The following LIN28B variants were observed in gnomAD, a reference collection of about 807,000 sequenced individuals.
LIN28B encodes protein lin-28 homolog B.
In LIN28B, 5 loss-of-function variants were observed where a neutral mutation model predicts 21.9. That is an observed-to-expected ratio of 0.23 (90% CI 0.12 to 0.48). LIN28B has a LOEUF of 0.48. Among genes scored for constraint, LIN28B ranks in the 20% least tolerant of loss-of-function variants. The pLI is 0.98. For synonymous variants in LIN28B, 109 were observed against 111.3 expected (o/e 0.98, Z 0.13); for missense variants, 245 against 310.5 (o/e 0.79, Z 1.58).
chr6:105,048,036 C>G (rs1037311737), intron 3 of LIN28B, among the ~76,000 whole-genome samples: 1 of 152,184 alleles, frequency 6.6e-6, no homozygotes, highest in African/African-American at 2.4e-5. Context: ...ATTGCCTTGG[C>G]CAGAACTTCC....
chr6:104,974,619 T>C (rs138337954), intron 2 of LIN28B, among the ~76,000 whole-genome samples: 19 of 152,182 alleles, frequency 1.2e-4, no homozygotes, highest in African/African-American at 4.1e-4. Flanking sequence ...CTTTTGGCTT[T>C]TCTTCATCTT....
intron 3 of LIN28B, among the ~76,000 whole-genome samples, chr6:105,067,732 C>T (rs1414731652): frequency 1.3e-5 from 2 of 152,130 alleles, no homozygotes; most frequent in Admixed American, 1.3e-4. Context: ...AAGTAGAAAA[C>T]TTTCATCAAA....
At chr6:104,982,161 A>G (rs1451773892) in intron 2 of LIN28B, among the ~76,000 whole-genome samples, 3 of 152,042 alleles carry the variant, frequency 2.0e-5, no homozygotes, top group Non-Finnish European at 4.4e-5. Flanking sequence ...AAAAGTATAA[A>G]AAACTTGCTG....
intron 2 of LIN28B, among the ~76,000 whole-genome samples, chr6:105,004,662 T>C (rs989526117): frequency 2.6e-5 from 4 of 152,094 alleles, no homozygotes. Flanking sequence ...TATATAGTGA[T>C]TTTTTTTGTA....
intron 3 of LIN28B, among the ~76,000 whole-genome samples, chr6:105,034,449 T>TA (rs1200867622): frequency 1.8e-4 from 28 of 152,130 alleles, no homozygotes; most frequent in African/African-American, 6.7e-4. Flanking sequence ...AGAAGGCTAA[T>TA]AGACTGTTAA....
chr6:105,078,997 T>C lies in LIN28B; in HGVS notation c.*214T>C. ...AATTCAGAGAATAAGATACTATGTC[T>C]GTCAATATGTGCATGTGTGAGAGGG... On this transcript the variant is annotated 3_prime_UTR_variant, in exon 4 of 4. Coordinates refer to ENST00000345080, the MANE Select transcript of LIN28B (RefSeq NM_001004317.4). 1 of 533,914 alleles carries C rather than the reference T, an allele frequency of 1.9e-6. No individual in the cohort carries two copies. 33.1% of individuals were successfully genotyped at this position (533,914 alleles called of 1,614,324 possible).
At chr6:104,991,137 C>T (rs1301072669) in intron 2 of LIN28B, among the ~76,000 whole-genome samples, 9 of 48,350 alleles carry the variant, frequency 1.9e-4, no homozygotes, top group Non-Finnish European at 2.7e-4. Context: ...AAGGGGCGGC[C>T]GGGCAGAGGC....
chr6:105,043,291 G>A (rs927926174), intron 3 of LIN28B, among the ~76,000 whole-genome samples: 4 of 139,050 alleles, frequency 2.9e-5, no homozygotes, highest in Non-Finnish European at 6.0e-5. Flanking sequence ...GCATAGTGGC[G>A]CACGCCTGTA....
chr6:105,004,105 G>T (rs1044342796), intron 2 of LIN28B, among the ~76,000 whole-genome samples: 1 of 152,138 alleles, frequency 6.6e-6, no homozygotes, highest in Non-Finnish European at 1.5e-5. Context: ...AAAGATGAAG[G>T]CTGGGAGGCT....
intron 3 of LIN28B, among the ~76,000 whole-genome samples, chr6:105,064,342 G>A (rs1035671779): frequency 8.5e-5 from 13 of 152,110 alleles, no homozygotes; most frequent in Non-Finnish European, 1.6e-4. Context: ...GCCAAAACTG[G>A]CTTTTTCCAC....
chr6:104,974,768 C>G (rs750527433), intron 2 of LIN28B, among the ~76,000 whole-genome samples: 7 of 151,732 alleles, frequency 4.6e-5, no homozygotes, highest in Non-Finnish European at 8.8e-5. Context: ...ATAAATATTG[C>G]ATAAAACTTA....
chr6:104,969,288 T>C (rs183733112), intron 2 of LIN28B, among the ~76,000 whole-genome samples: 88 of 152,280 alleles, frequency 5.8e-4, no homozygotes, highest in African/African-American at 2.0e-3. Context: ...CCCCATGCCA[T>C]TGAAGAATTT....
chr6:104,940,756 G>C (rs1778074685), intron 2 of LIN28B: 1 of 151,380 alleles, frequency 6.6e-6, no homozygotes, highest in Non-Finnish European at 1.5e-5. Flanking sequence ...CGGCGGAGTG[G>C]TGGCGACAGC....
intron 2 of LIN28B, among the ~76,000 whole-genome samples, chr6:104,974,192 A>G (rs1022512227): frequency 2.6e-5 from 4 of 152,104 alleles, no homozygotes; most frequent in African/African-American, 7.2e-5. Flanking sequence ...CAAGATGAGT[A>G]AAAAAATGCA....
At chr6:105,059,199 G>C (rs1034192299) in intron 3 of LIN28B, among the ~76,000 whole-genome samples, 12 of 147,936 alleles carry the variant, frequency 8.1e-5, no homozygotes, top group Admixed American at 3.5e-4. Flanking sequence ...TGTTGTGTGT[G>C]TGTGTGTATA....
chr6:104,954,208 C>A (rs314279), upstream of LIN28B, among the ~76,000 whole-genome samples: 138,850 of 152,186 alleles, frequency 0.91, 63,429 homozygotes, highest in Middle Eastern at 0.98. Flanking sequence ...GGCACTAAAA[C>A]CAAGTAGGAA....
At chr6:105,014,748 T>A (rs1413102456) in intron 2 of LIN28B, among the ~76,000 whole-genome samples, 3 of 152,152 alleles carry the variant, frequency 2.0e-5, no homozygotes, top group Admixed American at 2.0e-4. Flanking sequence ...CCACTGTACC[T>A]GGCCTTTTTA....
chr6:104,956,994 C>A (rs1582862737), upstream of LIN28B: 2 of 1,079,060 alleles, frequency 1.9e-6, no homozygotes, highest in South Asian at 3.9e-5. Flanking sequence ...GTTATCTCTT[C>A]CTCTTGCCAG....
intron 2 of LIN28B, among the ~76,000 whole-genome samples, chr6:105,025,274 C>G (rs1449298100): frequency 6.6e-6 from 1 of 152,184 alleles, no homozygotes; most frequent in Non-Finnish European, 1.5e-5. Context: ...TAAATTAGAT[C>G]TGTAAAATGT....
Sources: gnomAD v4.1 joint callset for allele counts (sites outside exome capture counted in the v4.1 genomes callset) on GRCh38, gnomAD v4.1.1 for gene constraint, MANE v1.5 for transcripts, NCBI Gene and HGNC (gene_info 2026-07-23, HGNC 2026-07-21) for gene names.